Variants in PRTG observed in about 807,000 individuals in gnomAD.
PRTG encodes immunoglobulin superfamily, DCC subclass, member 5.
Under a neutral mutation model 122.5 loss-of-function variants are expected in PRTG, and 67 were observed. That is an observed-to-expected ratio of 0.55 (90% confidence interval 0.45 to 0.67). PRTG has a LOEUF of 0.67. PRTG is among the 30% of genes least tolerant of loss of function. The probability of loss-of-function intolerance (pLI) is 0.00; values close to 1 mark genes in which losing one functional copy is unlikely to be tolerated. For synonymous variants in PRTG, 554 were observed against 501.1 expected, an observed-to-expected ratio of 1.11 and a Z score of -1.41; for missense variants, 1,435 against 1,415.4, an observed-to-expected ratio of 1.01 and a Z score of -0.22.
At chr15:55,653,652 C>T (rs1457248514) in intron 11 of PRTG, among the ~76,000 whole-genome samples, 7 of 152,026 alleles carry the variant, frequency 4.6e-5, no homozygotes, top group Non-Finnish European at 5.9e-5. Context: ...TTAGTAGAGA[C>T]GGGGTTTTGC....
In PRTG at chr15:55,680,510, G is replaced by A; in HGVS notation, c.795C>T (p.Ile265=). Residue 265 remains isoleucine (I), a synonymous_variant, in exon 5 of 20, where the codon ATC becomes ATT. Coordinates refer to ENST00000389286, the MANE Select transcript of PRTG (RefSeq NM_173814.6). ...ECMATGNPKP[I]ISWSRLDHKS... is the part of the protein sequence containing the mutation. Reference sequence around the variant, plus strand: ...ACTTACCAAGGCGGCTCCAAGAAATGATTGGTTTGGGATTTCCTGTGGCCA... The same window carrying A: ...ACTTACCAAGGCGGCTCCAAGAAATAATTGGTTTGGGATTTCCTGTGGCCA... 2 of 1,593,694 alleles carry A rather than the reference G, an allele frequency of 1.3e-6. No individual in the cohort carries two copies. The highest frequency in any genetic ancestry group is 1.7e-6 in the Non-Finnish European group (2 of 1,171,284).
In PRTG at chr15:55,677,572, T is replaced by C. The variant is rs143092737; in HGVS notation, c.1381+225A>G. ...AGTGATGCTTTGCATTAGCTGGTAA[T>C]TGTTTCTAAACAGAAAAATCTTAAA... On this transcript the variant is annotated intron_variant, in intron 8 of 19. Coordinates refer to ENST00000389286, the MANE Select transcript of PRTG (RefSeq NM_173814.6). Among the ~76,000 whole-genome samples, 963 of 152,246 alleles carry C rather than the reference T, an allele frequency of 6.3e-3. 11 individuals carry two copies. The highest frequency in any genetic ancestry group is 0.022 in the African/African-American group (928 of 41,548).
At chr15:55,645,157 C>T (rs570487504) in intron 11 of PRTG, among the ~76,000 whole-genome samples, 5 of 151,798 alleles carry the variant, frequency 3.3e-5, no homozygotes, top group East Asian at 1.9e-4. Context: ...TGGAAGGGGC[C>T]GGGCGCGGTG....
intron 2 of PRTG, among the ~76,000 whole-genome samples, chr15:55,712,985 C>G (rs2030450356): frequency 6.6e-6 from 1 of 152,092 alleles, no homozygotes; most frequent in Non-Finnish European, 1.5e-5. Flanking sequence ...AACACTTTAT[C>G]AAATAATAAA....
intron 4 of PRTG, among the ~76,000 whole-genome samples, chr15:55,681,052 A>G (rs771291919): frequency 1.3e-4 from 20 of 152,170 alleles, no homozygotes; most frequent in Admixed American, 7.9e-4. Context: ...TTCAAGGTTC[A>G]CCCATGTTGT....
chr15:55,620,865 C>A, intron 18 of PRTG, 98 bp from the exon 19 acceptor site: 2 of 1,002,432 alleles, frequency 2.0e-6, no homozygotes, highest in Non-Finnish European at 2.9e-6. Flanking sequence ...ATATGCTTCA[C>A]ATTTCCCTTT....
At chr15:55,727,181 A>T (rs1012515427) in intron 2 of PRTG, among the ~76,000 whole-genome samples, 3 of 151,750 alleles carry the variant, frequency 2.0e-5, no homozygotes, top group Non-Finnish European at 2.9e-5. Context: ...TAAATGAAAT[A>T]AAAAAAACAA....
intron 15 of PRTG, among the ~76,000 whole-genome samples, chr15:55,630,040 G>A (rs2059218840): frequency 6.7e-6 from 1 of 149,112 alleles, no homozygotes; most frequent in South Asian, 2.1e-4. Context: ...AGGCTAGAGT[G>A]CAGCGGCACG....
intron 2 of PRTG, among the ~76,000 whole-genome samples, chr15:55,684,715 G>C (rs2059560697): frequency 6.6e-6 from 1 of 151,946 alleles, no homozygotes; most frequent in African/African-American, 2.4e-5. Context: ...GGAATGGGGA[G>C]AGTCTAGCGA....
intron 2 of PRTG, chr15:55,738,714 G>A (rs924192550): frequency 9.0e-5 from 34 of 379,016 alleles, no homozygotes; most frequent in East Asian, 4.4e-4. Flanking sequence ...CAATGATTAC[G>A]GGGGAAGGAG....
chr15:55,643,231 G>A (rs567225395), intron 11 of PRTG, among the ~76,000 whole-genome samples: 1 of 151,878 alleles, frequency 6.6e-6, no homozygotes, highest in Non-Finnish European at 1.5e-5. Context: ...ATTTCCATTT[G>A]TCTTTTCAAA....
intron 11 of PRTG, among the ~76,000 whole-genome samples, chr15:55,660,316 T>C (rs1484314394): frequency 1.3e-5 from 2 of 152,160 alleles, no homozygotes; most frequent in South Asian, 2.1e-4. Context: ...AATGTTTTTT[T>C]TCTGTCCACC....
intron 11 of PRTG, among the ~76,000 whole-genome samples, chr15:55,662,243 C>CA (rs1320675604): frequency 1.3e-5 from 2 of 152,174 alleles, no homozygotes; most frequent in African/African-American, 4.8e-5. Context: ...AACTCTGATA[C>CA]ACTGCTATAC....
At chr15:55,724,577 C>G (rs1335489818) in intron 2 of PRTG, among the ~76,000 whole-genome samples, 1 of 151,876 alleles carries the variant, frequency 6.6e-6, no homozygotes, top group Admixed American at 6.6e-5. Context: ...ACAGCAAAAC[C>G]CTGTCTCTAC....
intron 15 of PRTG, among the ~76,000 whole-genome samples, chr15:55,635,912 G>C (rs2059255438): frequency 6.6e-6 from 1 of 151,954 alleles, no homozygotes; most frequent in South Asian, 2.1e-4. Context: ...GCTTTTTATT[G>C]GTTGGCAAAC....
At chr15:55,725,091 T>C (rs2030976014) in intron 2 of PRTG, among the ~76,000 whole-genome samples, 1 of 152,116 alleles carries the variant, frequency 6.6e-6, no homozygotes, top group African/African-American at 2.4e-5. Flanking sequence ...GACAAATGCA[T>C]AAAAAGCCTA....
chr15:55,695,882 G>A (rs968456070), intron 2 of PRTG, among the ~76,000 whole-genome samples: 1 of 152,130 alleles, frequency 6.6e-6, no homozygotes, highest in Non-Finnish European at 1.5e-5. Context: ...GAGGCAGGAG[G>A]ATCACTTAAG....
At chr15:55,674,050 C>T (rs765662125) in intron 9 of PRTG, among the ~76,000 whole-genome samples, 1 of 152,182 alleles carries the variant, frequency 6.6e-6, no homozygotes, top group African/African-American at 2.4e-5. Context: ...TAGTATTCTA[C>T]AGTTATAACC....
chr15:55,640,131 G>T (rs2059281438), intron 12 of PRTG: 1 of 196,280 alleles, frequency 5.1e-6, no homozygotes, highest in Admixed American at 6.5e-5. Flanking sequence ...CACAAACCTA[G>T]ATGGTATAGC....
Sources: allele counts gnomAD v4.1 joint callset (sites outside exome capture counted in the v4.1 genomes callset), GRCh38; gene constraint gnomAD v4.1.1; transcripts MANE v1.5; gene names NCBI Gene and HGNC (gene_info 2026-07-23, HGNC 2026-07-21).